CEP128: variants seen among roughly 807,000 people sequenced by gnomAD.
CEP128 encodes the protein centrosomal protein 128.
CEP128 carries 132 observed loss-of-function variants against 156.7 expected under a neutral mutation model. That is an observed-to-expected ratio of 0.84 (90% CI 0.73 to 0.97). CEP128 has a LOEUF of 0.97. Among genes scored for constraint, CEP128 ranks in the 50% least tolerant of loss-of-function variants. The pLI is 0.00. For synonymous variants in CEP128, 469 were observed against 448.9 expected (o/e 1.04, Z -0.57); for missense variants, 1,252 against 1,281.9 (o/e 0.98, Z 0.36).
chr14:80,655,930 TAGTTTG>T (rs1321544544), intron 19 of CEP128, among the ~76,000 whole-genome samples: 1 of 152,046 alleles, frequency 6.6e-6, no homozygotes, highest in Non-Finnish European at 1.5e-5. Context: ...TCATTTAGGA[TAGTTTG>T]AGTTTATCTT....
intron 9 of CEP128, among the ~76,000 whole-genome samples, chr14:80,848,142 G>A (rs1035867991): frequency 1.3e-5 from 2 of 152,122 alleles, no homozygotes; most frequent in African/African-American, 2.4e-5. Flanking sequence ...ACAGTGCAAG[G>A]GGCTCAGGAG....
chr14:80,492,435 G>A (rs183475289), downstream of CEP128, among the ~76,000 whole-genome samples: 4 of 152,218 alleles, frequency 2.6e-5, no homozygotes, highest in Admixed American at 2.6e-4. Context: ...ACATGCACAG[G>A]ACAAGTGAGC....
intron 19 of CEP128, among the ~76,000 whole-genome samples, chr14:80,586,045 C>T (rs1891807202): frequency 6.6e-6 from 1 of 152,010 alleles, no homozygotes; most frequent in Non-Finnish European, 1.5e-5. Context: ...CTTAGCTACC[C>T]AGTTATTGGA....
intron 8 of CEP128, among the ~76,000 whole-genome samples, chr14:80,885,541 C>G (rs533565563): frequency 6.6e-6 from 1 of 152,256 alleles, no homozygotes; most frequent in East Asian, 1.9e-4. Context: ...AGGGGTCTGA[C>G]TGTGAGAAGG....
chr14:80,758,531 A>G (rs1899790903), intron 17 of CEP128, among the ~76,000 whole-genome samples: 1 of 152,122 alleles, frequency 6.6e-6, no homozygotes, highest in African/African-American at 2.4e-5. Flanking sequence ...TCAAAAAAAA[A>G]AAAAAAAAAC....
intron 19 of CEP128, among the ~76,000 whole-genome samples, chr14:80,597,278 T>C (rs1044555345): frequency 6.6e-6 from 1 of 152,052 alleles, no homozygotes; most frequent in Middle Eastern, 3.2e-3. Flanking sequence ...CCTGCTGATA[T>C]GAGAAGGATT....
chr14:80,546,403 T>C (rs989936036), intron 21 of CEP128, among the ~76,000 whole-genome samples: 6 of 152,206 alleles, frequency 3.9e-5, no homozygotes, highest in African/African-American at 1.4e-4. Context: ...ATCAGGCTTT[T>C]ACCTTACCCT....
At chr14:80,773,986 A>G (rs1436021532) in intron 16 of CEP128, among the ~76,000 whole-genome samples, 1 of 152,228 alleles carries the variant, frequency 6.6e-6, no homozygotes, top group African/African-American at 2.4e-5. Context: ...TGGGTTGCAT[A>G]ACACTCGTTC....
chr14:80,487,829 A>G (rs1008621850), downstream of CEP128, among the ~76,000 whole-genome samples: 2 of 151,928 alleles, frequency 1.3e-5, no homozygotes, highest in South Asian at 2.1e-4. Context: ...TGAAACCAAC[A>G]AGAACAAAGA....
chr14:80,799,715 T>C (rs559161411), intron 13 of CEP128, among the ~76,000 whole-genome samples: 1 of 151,958 alleles, frequency 6.6e-6, no homozygotes, highest in Admixed American at 6.6e-5. Context: ...AGGAATGAGA[T>C]ATGCCCTGGT....
At position 80,729,058 on chromosome 14, in the gene CEP128, GGTGTGTGTGTGTGTGT is replaced by G. The variant is rs559470308; in HGVS notation, c.2806+14001_2806+14016del. Among the ~76,000 whole-genome samples, 94 of 105,046 alleles carry G rather than the reference GGTGTGTGTGTGTGTGT, an allele frequency of 8.9e-4. 1 individual carries two copies. Among genetic ancestry groups the G allele is most frequent in the South Asian group, 1.6e-3 (5 of 3,172 alleles). 68.9% of individuals were successfully genotyped at this position (105,046 alleles called of 152,430 possible). A position where few individuals can be genotyped will look rare whatever the true frequency, so the allele number is the denominator to read the frequency against. ...CCTAGTCCCAGGCTGGGCTGGTGGG[GGTGTGTGTGTGTGTGT>G]GTGTGTGTGTGTGTGTGTGTGTGTG... On this transcript the variant is annotated intron_variant, in intron 19 of 24. Coordinates refer to ENST00000555265, the MANE Select transcript of CEP128 (RefSeq NM_152446.5).
intron 2 of CEP128, among the ~76,000 whole-genome samples, chr14:80,954,226 C>T (rs1886541986): frequency 6.6e-6 from 1 of 151,456 alleles, no homozygotes; most frequent in South Asian, 2.1e-4. Flanking sequence ...GCCGAGATCG[C>T]GCCATTGCAC....
chr14:80,764,550 C>T (rs1900144509), intron 16 of CEP128, among the ~76,000 whole-genome samples: 2 of 152,022 alleles, frequency 1.3e-5, no homozygotes. Flanking sequence ...TTATCCACTT[C>T]ACTATCCTCT....
chr14:80,532,082 A>C (rs577445919), intron 21 of CEP128, among the ~76,000 whole-genome samples: 2 of 152,358 alleles, frequency 1.3e-5, no homozygotes, highest in East Asian at 1.9e-4. Context: ...ATATAGCATT[A>C]ATTATCATAT....
At position 80,899,991 on chromosome 14, in the gene CEP128, A is replaced by T; in HGVS notation, c.519T>A (p.Ser173Arg). The change falls in exon 7 of 25, where the codon AGT becomes AGA. Residue 173 changes from serine (S) to arginine (R), a missense_variant. By Grantham distance (110) the Ser-to-Arg change is moderately radical. Transcript: ENST00000555265. ...GFHQSLRDLS[S>R]EQIRLGDDFN... is the part of the protein sequence containing the mutation. ...AATCATCTCCAAGGCGAATTTGTTC[A>T]CTGCTGAGGTCTCGAAGAGACTGAT... 1 of 1,613,814 alleles carries T rather than the reference A, an allele frequency of 6.2e-7. No homozygotes were observed. Among genetic ancestry groups the T allele is most frequent in the Non-Finnish European group, 8.5e-7 (1 of 1,179,802 alleles).
chr14:80,486,540 G>C (rs1022056809), downstream of CEP128, among the ~76,000 whole-genome samples: 6 of 152,012 alleles, frequency 3.9e-5, no homozygotes, highest in African/African-American at 9.6e-5. Context: ...TACTTCTCGA[G>C]AAGAGCAACT....
intron 2 of CEP128, among the ~76,000 whole-genome samples, chr14:80,921,535 A>C (rs1413913990): frequency 6.6e-6 from 1 of 152,218 alleles, no homozygotes; most frequent in Non-Finnish European, 1.5e-5. Context: ...ATTCTCTTAT[A>C]AACAACAGAA....
At chr14:80,591,054 T>C (rs965785471) in intron 19 of CEP128, among the ~76,000 whole-genome samples, 14 of 152,046 alleles carry the variant, frequency 9.2e-5, no homozygotes, top group African/African-American at 2.9e-4. Flanking sequence ...TGCAAAAACA[T>C]ACCAAATAGT....
chr14:80,661,435 G>A (rs1232957327), intron 19 of CEP128, among the ~76,000 whole-genome samples: 1 of 152,128 alleles, frequency 6.6e-6, no homozygotes, highest in East Asian at 1.9e-4. Context: ...TTGCTCTTAG[G>A]TAATGAATCT....
Sources: allele counts gnomAD v4.1 joint callset (sites outside exome capture counted in the v4.1 genomes callset), GRCh38; gene constraint gnomAD v4.1.1; transcripts MANE v1.5; gene names NCBI Gene and HGNC (gene_info 2026-07-23, HGNC 2026-07-21).